The following SAMSN1 variants were observed in gnomAD, a reference collection of about 807,000 sequenced individuals.
The protein encoded by SAMSN1 is SAM domain-containing protein SAMSN-1.
In SAMSN1, 31 loss-of-function variants were observed where a neutral mutation model predicts 42.0. The observed-to-expected ratio is 0.74, with a 90% CI of 0.55 to 1.00. The LOEUF is 1.00. SAMSN1 is among the 50% of genes least tolerant of loss of function. SAMSN1 has a pLI of 0.00. For missense variants in SAMSN1, 464 were observed against 439.4 expected (o/e 1.06, Z -0.50); for synonymous variants, 178 against 151.9 (o/e 1.17, Z -1.26).
At chr21:14,594,055 T>C in exon 7 of SAMSN1, 2 of 715,388 alleles carry the variant, frequency 2.8e-6, no homozygotes, top group South Asian at 3.0e-5. Flanking sequence ...GATAGTGAAA[T>C]GGACTCCAAC....
At chr21:14,536,610 T>C (rs1979638501) in intron 1 of SAMSN1, among the ~76,000 whole-genome samples, 1 of 152,148 alleles carries the variant, frequency 6.6e-6, no homozygotes, top group African/African-American at 2.4e-5. Flanking sequence ...TGGAGAGAAG[T>C]GGTCAAGGCT....
chr21:14,538,879 C>A (rs1802420672), intron 1 of SAMSN1, among the ~76,000 whole-genome samples: 1 of 152,142 alleles, frequency 6.6e-6, no homozygotes, highest in Admixed American at 6.5e-5. Flanking sequence ...ATTTCCAGAA[C>A]TGTCATTATT....
At chr21:14,579,077 G>A (rs1431551085) in intron 2 of SAMSN1, among the ~76,000 whole-genome samples, 1 of 152,120 alleles carries the variant, frequency 6.6e-6, no homozygotes. Flanking sequence ...ACTTGTTGTT[G>A]TTATAGAATA....
chr21:14,572,337 C>T (rs73163018), intron 2 of SAMSN1, among the ~76,000 whole-genome samples: 10,209 of 152,132 alleles, frequency 0.067, 551 homozygotes, highest in African/African-American at 0.15. Flanking sequence ...CTCTGAGAAA[C>T]GAAGTGACTT....
chr21:14,516,198 T>C (rs1427619387), intron 3 of SAMSN1, among the ~76,000 whole-genome samples: 1 of 152,184 alleles, frequency 6.6e-6, no homozygotes, highest in Admixed American at 6.5e-5. Flanking sequence ...GCAGCATTAT[T>C]CATAATAGCC....
At chr21:14,531,062 A>C (rs1979239550) in intron 1 of SAMSN1, among the ~76,000 whole-genome samples, 1 of 152,132 alleles carries the variant, frequency 6.6e-6, no homozygotes, top group Admixed American at 6.5e-5. Flanking sequence ...AAAAACAAAT[A>C]ATTCTACAAA....
intron 2 of SAMSN1, among the ~76,000 whole-genome samples, chr21:14,580,138 G>A (rs1256083038): frequency 1.5e-5 from 2 of 130,476 alleles, no homozygotes; most frequent in African/African-American, 2.6e-5. Flanking sequence ...GGGATGATGG[G>A]ATGGGTTCTA....
chr21:14,571,602 C>T (rs76844936), intron 2 of SAMSN1, among the ~76,000 whole-genome samples: 2,447 of 151,936 alleles, frequency 0.016, 41 homozygotes, highest in African/African-American at 0.054. Flanking sequence ...TATGACTGAG[C>T]GATATATTAT....
At chr21:14,641,476 AG>A (rs1983596474) in intron 2 of SAMSN1, among the ~76,000 whole-genome samples, 1 of 152,202 alleles carries the variant, frequency 6.6e-6, no homozygotes. Flanking sequence ...AAAGCACAAA[AG>A]ATCTGAGTTT....
chr21:14,496,016 G>C (rs1157607923), intron 7 of SAMSN1: 3 of 152,130 alleles, frequency 2.0e-5, no homozygotes, highest in South Asian at 2.1e-4. Context: ...AAATTAAGGG[G>C]ACTCAAGCCT....
At chr21:14,621,250 A>T (rs1442756756) in intron 2 of SAMSN1, among the ~76,000 whole-genome samples, 1 of 152,174 alleles carries the variant, frequency 6.6e-6, no homozygotes, top group Non-Finnish European at 1.5e-5. Flanking sequence ...AAGACGGGTG[A>T]TTTCTGCATT....
upstream of SAMSN1, among the ~76,000 whole-genome samples, chr21:14,549,847 G>C (rs1168195162): frequency 6.6e-6 from 1 of 151,830 alleles, no homozygotes; most frequent in Non-Finnish European, 1.5e-5. Context: ...ACAGGGAAGA[G>C]AATTTTATTC....
intron 2 of SAMSN1, among the ~76,000 whole-genome samples, chr21:14,519,017 C>G (rs567061573): frequency 5.9e-5 from 9 of 152,284 alleles, no homozygotes; most frequent in African/African-American, 2.2e-4. Flanking sequence ...GCGTTATTTA[C>G]AGAAGCTACA....
At chr21:14,596,818 C>T (rs562491943) in intron 6 of SAMSN1, among the ~76,000 whole-genome samples, 5 of 152,256 alleles carry the variant, frequency 3.3e-5, no homozygotes, top group Admixed American at 1.3e-4. Context: ...ACACTAACCA[C>T]CTGAGATTAT....
At chr21:14,541,639 C>A (rs938657205) in intron 1 of SAMSN1, among the ~76,000 whole-genome samples, 3 of 152,118 alleles carry the variant, frequency 2.0e-5, no homozygotes, top group Non-Finnish European at 2.9e-5. Flanking sequence ...AGATTAGACA[C>A]CCCTAGAGTA....
At chr21:14,507,371 A>G (rs1276955043) in intron 5 of SAMSN1, among the ~76,000 whole-genome samples, 3 of 152,220 alleles carry the variant, frequency 2.0e-5, no homozygotes, top group Non-Finnish European at 4.4e-5. Context: ...AACGTACACA[A>G]ATCAGTAGCT....
Position 14,500,657 on chromosome 21 carries a change from A to C in SAMSN1, c.640T>G (p.Phe214Val). The stretch of plus-strand genomic sequence containing the variant: ...ATGACATCCACATAAATGAATTTGA[A>C]GTTTCCCACTTTATTGTTCAACATT... ...TGMLNNKVGN[F>V]KFIYVDVISE... The change falls in exon 6 of 8, where the codon TTC becomes GTC. Residue 214 changes from phenylalanine to valine, a missense_variant. By Grantham distance (50) the Phe-to-Val change is conservative. Coordinates refer to ENST00000400566, the MANE Select transcript of SAMSN1 (RefSeq NM_022136.5). 1 of 1,614,092 alleles carries C rather than the reference A, an allele frequency of 6.2e-7. No homozygotes were observed. Among genetic ancestry groups the C allele is most frequent in the East Asian group, 2.2e-5 (1 of 44,866 alleles).
chr21:14,614,621 T>C (rs1982788264), intron 3 of SAMSN1, among the ~76,000 whole-genome samples: 1 of 152,232 alleles, frequency 6.6e-6, no homozygotes, highest in Non-Finnish European at 1.5e-5. Context: ...CTTTTTAAGC[T>C]CAAAATTGTA....
chr21:14,654,056 G>T (rs1380988533), intron 1 of SAMSN1, among the ~76,000 whole-genome samples: 1 of 151,908 alleles, frequency 6.6e-6, no homozygotes, highest in East Asian at 1.9e-4. Context: ...AAATCATTGT[G>T]TAATGTATTA....
Sources: allele counts gnomAD v4.1 joint callset (sites outside exome capture counted in the v4.1 genomes callset), GRCh38; gene constraint gnomAD v4.1.1; transcripts MANE v1.5; gene names NCBI Gene and HGNC (gene_info 2026-07-23, HGNC 2026-07-21).